LCN2: variants seen among roughly 807,000 people sequenced by gnomAD.
LCN2 encodes lipocalin 2.
A neutral mutation model predicts 26.4 loss-of-function variants in LCN2; 27 were observed. The ratio of observed to expected loss-of-function variants is 1.02; its 90% CI spans 0.76 to 1.41. The LOEUF (loss-of-function observed/expected upper bound fraction) is 1.41. Among genes scored for constraint, LCN2 ranks in the 40% most tolerant of loss-of-function variants. The pLI, the probability that LCN2 is intolerant of heterozygous loss-of-function variation, is 0.00. For synonymous variants in LCN2, 94 were observed against 98.9 expected (o/e 0.95, Z 0.30); for missense variants, 224 against 237.6 (o/e 0.94, Z 0.38).
intron 3 of LCN2, 57 bp downstream of exon 3, chr9:128,151,774 C>A: frequency 1.9e-6 from 3 of 1,589,874 alleles, no homozygotes; most frequent in Non-Finnish European, 2.6e-6. Context: ...TGGGTAGGGG[C>A]ACAGACCTTC....
Position 128,150,240 on chromosome 9 carries a change from C to T in LCN2, c.141C>T (p.Phe47=), listed in dbSNP as rs1278146290. The T allele has an allele frequency of 1.9e-6, 3 of 1,613,170 alleles. No homozygotes were observed. Among genetic ancestry groups the T allele is most frequent in the East Asian group, 2.2e-5 (1 of 44,882 alleles). The change falls in exon 2 of 7, where the codon TTC becomes TTT. Residue 47 remains phenylalanine (F), a splice_region_variant and synonymous_variant. Transcript: ENST00000277480. ...TGCCTCTTATCAGTCCCTTGCAGTT[C>T]CAGGGGAAGTGGTATGTGGTAGGCC... ...PLQQNFQDNQ[F]QGKWYVVGLA...
chr9:128,149,712 G>A (rs746234600), intron 1 of LCN2, 49 bp downstream of exon 1: 3 of 1,606,914 alleles, frequency 1.9e-6, no homozygotes, highest in African/African-American at 2.7e-5. Context: ...GGAAGAGTGG[G>A]AGCAGAGGGG....
chr9:128,150,925 G>T (rs931690348), intron 2 of LCN2, among the ~76,000 whole-genome samples: 1 of 152,252 alleles, frequency 6.6e-6, no homozygotes, highest in African/African-American at 2.4e-5. Context: ...GCCGCAGGGT[G>T]GGGAGACTTG....
At chr9:128,151,458 C>A (rs1018732277) in intron 2 of LCN2, 180 bp from the exon 3 acceptor site, 14 of 641,000 alleles carry the variant, frequency 2.2e-5, no homozygotes, top group African/African-American at 2.0e-4. Context: ...GGGAGAAGGC[C>A]CAGGCCCATC....
In LCN2 at chr9:128,152,149, T is replaced by C. The variant is rs1385554097; in HGVS notation, c.476-34T>C. ...CTCATTCAACGATATTTATGTGGTGTCTGCCAGCCACTCACTGGCCATCTT... is the reference window on the plus strand; with the variant it reads ...CTCATTCAACGATATTTATGTGGTGCCTGCCAGCCACTCACTGGCCATCTT... On this transcript the variant is annotated intron_variant, in intron 4 of 6. Transcript: ENST00000277480. The C allele has an allele frequency of 2.5e-6, 4 of 1,609,636 alleles. No homozygotes were observed. The African/African-American group carries it at 5.3e-5, about 22-fold the overall frequency.
In LCN2 at chr9:128,153,277, C is replaced by G; in HGVS notation, c.*8-34C>G. 1 of 897,386 alleles carries G rather than the reference C, an allele frequency of 1.1e-6. No homozygotes were observed. The highest frequency in any genetic ancestry group is 1.9e-5 in the Admixed American group (1 of 53,450). 55.6% of individuals were successfully genotyped at this position (897,386 alleles called of 1,614,324 possible). A position where few individuals can be genotyped will look rare whatever the true frequency, so the allele number is the denominator to read the frequency against. On this transcript the variant is annotated intron_variant, in intron 6 of 6. Transcript: ENST00000277480. This position sits in a 1 kb window ranked among gnomAD's most constrained non-coding sequence, Gnocchi z 5.4. Reference sequence around the variant, plus strand: ...CCCCATCTCGGGTGCCTCCCATTTCCCCACCCATCACCCTCATATCCACCT... The same window carrying G: ...CCCCATCTCGGGTGCCTCCCATTTCGCCACCCATCACCCTCATATCCACCT...
In LCN2 at chr9:128,153,073, T is replaced by G. The variant is rs201865001; in HGVS notation, c.578-27T>G. Reference sequence around the variant, plus strand: ...ACACGCACACACACACACAGCTGCCTGTTCTGACGGACTTTCTCCCTAACA... The same window carrying G: ...ACACGCACACACACACACAGCTGCCGGTTCTGACGGACTTTCTCCCTAACA... On this transcript the variant is annotated intron_variant, in intron 5 of 6. Coordinates refer to ENST00000277480, the MANE Select transcript of LCN2 (RefSeq NM_005564.5). This position sits in a 1 kb window ranked among gnomAD's most constrained non-coding sequence, Gnocchi z 5.4. 200 of 1,614,034 alleles carry G rather than the reference T, an allele frequency of 1.2e-4. 3 individuals carry two copies. The Middle Eastern group carries it at 1.6e-3, about 13-fold the overall frequency.
chr9:128,153,287 A>C lies in LCN2; in HGVS notation c.*8-24A>C. The C allele has an allele frequency of 1.2e-6, 1 of 805,102 alleles. No homozygotes were observed. The allele number at this position is 805,102 out of a possible 1,614,324, so 49.9% of individuals were successfully genotyped here. A position where few individuals can be genotyped will look rare whatever the true frequency, so the allele number is the denominator to read the frequency against. ...GGTGCCTCCCATTTCCCCACCCATCACCCTCATATCCACCTCTGTCCAGGG... is the reference window on the plus strand; with the variant it reads ...GGTGCCTCCCATTTCCCCACCCATCCCCCTCATATCCACCTCTGTCCAGGG... On this transcript the variant is annotated intron_variant, in intron 6 of 6. Transcript: ENST00000277480. This position sits in a 1 kb window ranked among gnomAD's most constrained non-coding sequence, Gnocchi z 5.4.
In LCN2 at chr9:128,153,196, C is replaced by T. The variant is rs1209298213; in HGVS notation, c.*7+70C>T. 21 of 1,576,372 alleles carry T rather than the reference C, an allele frequency of 1.3e-5. No homozygotes were observed. Among genetic ancestry groups the T allele is most frequent in the Non-Finnish European group, 1.7e-5 (19 of 1,147,652 alleles). ...GGTGCAGTGGGCTGGGGGTCTTGGGCCTGCCTTTGCTCATCCCCCTGCCCC... is the reference window on the plus strand; with the variant it reads ...GGTGCAGTGGGCTGGGGGTCTTGGGTCTGCCTTTGCTCATCCCCCTGCCCC... On this transcript the variant is annotated intron_variant, in intron 6 of 6. Transcript: ENST00000277480. This position sits in a 1 kb window ranked among gnomAD's most constrained non-coding sequence, Gnocchi z 5.4.
At chr9:128,150,737 G>C (rs1834998552) in intron 2 of LCN2, 1 of 442,278 alleles carries the variant, frequency 2.3e-6, no homozygotes, top group Admixed American at 2.5e-5. Flanking sequence ...GGTGTTCCCG[G>C]CAGGGGCTGG....
At chr9:128,151,569 C>A in intron 2 of LCN2, 69 bp from the exon 3 acceptor site, 1 of 1,273,588 alleles carries the variant, frequency 7.9e-7, no homozygotes, top group Non-Finnish European at 1.1e-6. Context: ...CCTGGCCCCA[C>A]CTTGTCCAGC....
In LCN2 at chr9:128,152,567, T is replaced by C. The variant is rs73672430; in HGVS notation, c.577+283T>C. Among the ~76,000 whole-genome samples the C allele has an allele frequency of 6.3e-3, 961 of 152,278 alleles. 16 individuals are homozygous for C. Among genetic ancestry groups the C allele is most frequent in the African/African-American group, 0.022 (924 of 41,560 alleles). On this transcript the variant is annotated intron_variant, in intron 5 of 6. Coordinates refer to ENST00000277480, the MANE Select transcript of LCN2 (RefSeq NM_005564.5). ...TCAGGCCCAGGCCTGAGTATCCATT[T>C]CTCAGTCTCACTGGCCTGACACCTC...
intron 4 of LCN2, 40 bp from the exon 5 acceptor site, chr9:128,152,143 G>A (rs778346533): frequency 3.7e-6 from 6 of 1,610,846 alleles, no homozygotes; most frequent in Admixed American, 1.7e-5. Flanking sequence ...CGATATTTAT[G>A]TGGTGTCTGC....
At chr9:128,150,188 G>A (rs1185617815) in intron 1 of LCN2, 50 bp from the exon 2 acceptor site, 1 of 1,582,730 alleles carries the variant, frequency 6.3e-7, no homozygotes, top group African/African-American at 1.3e-5. Context: ...AGCTGGAGGG[G>A]TGGCTCCTAG....
At chr9:128,151,738 G>A (rs780457081) in intron 3 of LCN2, 21 bp downstream of exon 3, 1 of 1,610,418 alleles carries the variant, frequency 6.2e-7, no homozygotes, top group East Asian at 2.2e-5. Context: ...AGTGAGGTGG[G>A]GCACTGAGTT....
Position 128,151,908 on chromosome 9 carries a change from T to A in LCN2, c.358T>A (p.Tyr120Asn), listed in dbSNP as rs772384732. 2 of 1,614,088 alleles carry A rather than the reference T, an allele frequency of 1.2e-6. No individual in the cohort carries two copies. Among genetic ancestry groups the A allele is most frequent in the East Asian group, 4.5e-5 (2 of 44,878 alleles). Residue 120 changes from tyrosine (Y) to asparagine (N), a missense_variant and splice_region_variant, in exon 4 of 7, where the codon TAC becomes AAC. Tyr to Asn is a moderately radical substitution (Grantham distance 143). Coordinates refer to ENST00000277480, the MANE Select transcript of LCN2 (RefSeq NM_005564.5). ...CCCCTCACCGTCCACGCCTGCAGGT[T>A]ACCCTGGATTAACGAGTTACCTCGT... ...GEFTLGNIKS[Y>N]PGLTSYLVRV... is the part of the protein sequence containing the mutation.
chr9:128,150,561 G>A (rs368466616), intron 2 of LCN2, 187 bp downstream of exon 2: 1 of 767,450 alleles, frequency 1.3e-6, no homozygotes, highest in East Asian at 2.7e-5. Context: ...ACAGTGGTGG[G>A]GATGGACATG....
At chr9:128,151,853 G>T in intron 3 of LCN2, 53 bp from the exon 4 acceptor site, 1 of 1,609,346 alleles carries the variant, frequency 6.2e-7, no homozygotes, top group Non-Finnish European at 8.5e-7. Context: ...GGAGGGGACA[G>T]CTCCCTCCTC....
chr9:128,151,471 G>T, intron 2 of LCN2, 167 bp from the exon 3 acceptor site: 1 of 647,618 alleles, frequency 1.5e-6, no homozygotes, highest in East Asian at 2.7e-5. Context: ...GGCCCATCTC[G>T]GCTGGGTGGG....
Sources: gnomAD v4.1 joint callset for allele counts (sites outside exome capture counted in the v4.1 genomes callset) on GRCh38, gnomAD v4.1.1 for gene constraint, Gnocchi (gnomAD v3.1) non-coding constraint, MANE v1.5 for transcripts, NCBI Gene and HGNC (gene_info 2026-07-23, HGNC 2026-07-21) for gene names.